The following MEF2C variants were observed in gnomAD, a reference collection of about 807,000 sequenced individuals.
MEF2C encodes the protein myocyte enhancer factor 2C, also known as myocyte-specific enhancer factor 2C.
In MEF2C, 6 loss-of-function variants were observed where a neutral mutation model predicts 50.5. The observed-to-expected ratio is 0.12, with a 90% CI of 0.07 to 0.23. The LOEUF (loss-of-function observed/expected upper bound fraction) is 0.23. MEF2C is among the 10% of genes least tolerant of loss of function. The pLI is 1.00. For missense variants in MEF2C, 276 were observed against 605.0 expected (o/e 0.46, Z 5.70); for synonymous variants, 183 against 228.0 (o/e 0.80, Z 1.78).
At position 88,825,498 on chromosome 5, in the gene MEF2C, G is replaced by T. The variant is rs185440334; in HGVS notation, c.-142-1568C>A. 72 of 983,924 alleles carry T rather than the reference G, an allele frequency of 7.3e-5. No homozygotes were observed. The East Asian group carries it at 5.1e-3, about 70-fold the overall frequency. The allele number at this position is 983,924 out of a possible 1,614,324, so 60.9% of individuals were successfully genotyped here. The stretch of plus-strand genomic sequence containing the variant: ...TGCTCCAGCTGTAATTTTAAATGTT[G>T]GAGGTGGTTCAAAATTCTAAAGAGT... On this transcript the variant is annotated intron_variant, in intron 1 of 10. Coordinates refer to ENST00000504921, the MANE Select transcript of MEF2C (RefSeq NM_002397.5).
intron 3 of MEF2C, among the ~76,000 whole-genome samples, chr5:88,790,760 G>A (rs931524286): frequency 2.0e-5 from 3 of 152,062 alleles, no homozygotes; most frequent in Non-Finnish European, 4.4e-5. Flanking sequence ...TTATGCTAAT[G>A]ATCATCAGTA....
chr5:88,871,876 T>A (rs1160256048), intron 1 of MEF2C, among the ~76,000 whole-genome samples: 1 of 152,076 alleles, frequency 6.6e-6, no homozygotes, highest in African/African-American at 2.4e-5. Flanking sequence ...GCTGTGGTCA[T>A]AATGAATAAG....
chr5:88,841,275 T>C (rs1817248025), intron 1 of MEF2C, among the ~76,000 whole-genome samples: 2 of 152,096 alleles, frequency 1.3e-5, no homozygotes, highest in African/African-American at 4.8e-5. Context: ...TTTGGGAGGC[T>C]GAGGCAGATG....
At chr5:88,777,899 C>CTTTT (rs57841792) in intron 3 of MEF2C, among the ~76,000 whole-genome samples, 14 of 77,316 alleles carry the variant, frequency 1.8e-4, no homozygotes, top group African/African-American at 2.6e-4. Context: ...TTTTTCTTTT[C>CTTTT]TTTTTTTTTT....
rs1818057353 is a variant in MEF2C at position 88,843,292 on chromosome 5, T to C, written c.-142-19362A>G. 6 of 973,636 alleles carry C rather than the reference T, an allele frequency of 6.2e-6. No homozygotes were observed. The Admixed American group carries it at 1.9e-4, about 30-fold the overall frequency. The allele number at this position is 973,636 out of a possible 1,614,324, so 60.3% of individuals were successfully genotyped here. A position where few individuals can be genotyped will look rare whatever the true frequency, so the allele number is the denominator to read the frequency against. ...ATCTTACTCCATTATCCATGTGAGA[T>C]GGATAGACATGTTACATCACGTAAA... On this transcript the variant is annotated intron_variant, in intron 1 of 10. Transcript: ENST00000504921.
chr5:88,862,547 G>T (rs1024524008), intron 1 of MEF2C, among the ~76,000 whole-genome samples: 3 of 146,446 alleles, frequency 2.0e-5, no homozygotes, highest in Non-Finnish European at 4.5e-5. Flanking sequence ...GAACAAGAAG[G>T]AAAAAAAAAA....
chr5:88,819,400 A>G (rs900777670), intron 2 of MEF2C: 51 of 984,730 alleles, frequency 5.2e-5, no homozygotes, highest in East Asian at 1.1e-4. Context: ...AAGCTTTGCG[A>G]TATCTGGGTC....
rs1205052305 is a variant in MEF2C at position 88,841,543 on chromosome 5, GA to G, written c.-142-17614del. Among the ~76,000 whole-genome samples, 665 of 146,464 alleles carry G rather than the reference GA, an allele frequency of 4.5e-3. 4 individuals are homozygous for G. Among genetic ancestry groups the G allele is most frequent in the African/African-American group, 0.015 (594 of 40,102 alleles). Reference sequence around the variant, plus strand: ...AAAAAAGAAGAAAAAAAGAAGCAAAGAAAAAAAAATGATCTTAGGCTTTAGT... The same window carrying G: ...AAAAAAGAAGAAAAAAAGAAGCAAAGAAAAAAAATGATCTTAGGCTTTAGT... On this transcript the variant is annotated intron_variant, in intron 1 of 10. Coordinates refer to ENST00000504921, the MANE Select transcript of MEF2C (RefSeq NM_002397.5).
intron 1 of MEF2C, among the ~76,000 whole-genome samples, chr5:88,858,288 G>A (rs1824204973): frequency 6.6e-6 from 1 of 151,998 alleles, no homozygotes; most frequent in Non-Finnish European, 1.5e-5. Context: ...CTCTCATATA[G>A]GAATTCATGT....
intron 4 of MEF2C, chr5:88,752,622 A>G: frequency 6.1e-6 from 6 of 985,266 alleles, no homozygotes; most frequent in South Asian, 4.7e-5. Context: ...TCATTCAATA[A>G]TTCACATTTT....
In MEF2C at chr5:88,734,564, TG is replaced by T. The variant is rs150988661; in HGVS notation, c.638-2664del. The T allele has an allele frequency of 5.1e-4, 233 of 455,620 alleles. 4 individuals are homozygous for T. The highest frequency in any genetic ancestry group is 3.5e-3 in the African/African-American group (136 of 39,298). The allele number at this position is 455,620 out of a possible 1,614,324, so 28.2% of individuals were successfully genotyped here. On this transcript the variant is annotated intron_variant, in intron 6 of 10. Coordinates refer to ENST00000504921, the MANE Select transcript of MEF2C (RefSeq NM_002397.5). ...CTTCACGGAGGCCTTGAGAAAAGTT[TG>T]TTTTTTTTTTTTTTTTTTTTTTTTT...
At chr5:88,762,332 T>G (rs1037464411) in intron 3 of MEF2C, among the ~76,000 whole-genome samples, 2 of 152,154 alleles carry the variant, frequency 1.3e-5, no homozygotes, top group Non-Finnish European at 2.9e-5. Context: ...GGCTGGAGTA[T>G]AGTGGAGTGA....
intron 1 of MEF2C, among the ~76,000 whole-genome samples, chr5:88,826,202 T>A (rs975272443): frequency 6.5e-4 from 98 of 151,916 alleles, no homozygotes; most frequent in African/African-American, 2.3e-3. Flanking sequence ...TGGAAAAAAA[T>A]TTTGCCAAAG....
chr5:88,857,556 C>G (rs561387587), intron 1 of MEF2C, among the ~76,000 whole-genome samples: 2 of 152,040 alleles, frequency 1.3e-5, no homozygotes, highest in African/African-American at 4.8e-5. Context: ...AGTCTTATCT[C>G]GAATTATAGG....
Position 88,797,454 on chromosome 5 carries a change from C to CTTTT in MEF2C, c.258+7143_258+7144insAAAA, listed in dbSNP as rs1169605093. 2.8e-4 allele frequency among the ~76,000 whole-genome samples: 7 copies of CTTTT among 25,220 alleles called. 1 individual carries two copies. Among genetic ancestry groups the CTTTT allele is most frequent in the African/African-American group, 3.9e-4 (3 of 7,748 alleles). 16.5% of individuals were successfully genotyped at this position (25,220 alleles called of 152,430 possible). On this transcript the variant is annotated intron_variant, in intron 3 of 10. Transcript: ENST00000504921. ...TCACAGACTAGGATTGCAACCCTTG[C>CTTTT]CTTTTTTTTTTTTTTTTTTTTTTTT...
chr5:88,773,776 G>T (rs622803), intron 3 of MEF2C, among the ~76,000 whole-genome samples: 114,508 of 152,144 alleles, frequency 0.75, 44,033 homozygotes, highest in East Asian at 0.9. Flanking sequence ...CCTCTCTCGC[G>T]TTTTAGTCAG....
intron 6 of MEF2C, chr5:88,748,044 A>G (rs1770753842): frequency 3.0e-6 from 3 of 984,718 alleles, no homozygotes; most frequent in East Asian, 1.1e-4. Context: ...TTTGCTAATC[A>G]CTGTGTAGGT....
intron 3 of MEF2C, among the ~76,000 whole-genome samples, chr5:88,779,759 G>A (rs1288587536): frequency 1.9e-5 from 1 of 51,608 alleles, no homozygotes; most frequent in Non-Finnish European, 3.8e-5. Flanking sequence ...AGCAAAGTGA[G>A]GTTTTTTTTT....
At chr5:88,881,934 ACTGT>A (rs778484288) in intron 1 of MEF2C, among the ~76,000 whole-genome samples, 17 of 152,228 alleles carry the variant, frequency 1.1e-4, no homozygotes, top group Non-Finnish European at 2.4e-4. Flanking sequence ...TACTTAGTCT[ACTGT>A]CAGCATTTAC....
Sources: allele counts gnomAD v4.1 joint callset (sites outside exome capture counted in the v4.1 genomes callset), GRCh38; gene constraint gnomAD v4.1.1; transcripts MANE v1.5; gene names NCBI Gene and HGNC (gene_info 2026-07-23, HGNC 2026-07-21).